Variants in EYA4 observed in about 807,000 individuals in gnomAD.
EYA4 encodes protein phosphatase EYA4.
Under a neutral mutation model 87.9 loss-of-function variants are expected in EYA4, and 31 were observed. The ratio of observed to expected loss-of-function variants is 0.35; its 90% CI spans 0.27 to 0.48. The LOEUF (loss-of-function observed/expected upper bound fraction) is 0.48. Among genes scored for constraint, EYA4 ranks in the 20% least tolerant of loss-of-function variants. The probability of loss-of-function intolerance (pLI) is 0.99; values close to 1 mark genes in which losing one functional copy is unlikely to be tolerated. For missense variants in EYA4, 678 were observed against 761.4 expected (o/e 0.89, Z 1.29); for synonymous variants, 263 against 270.6 (o/e 0.97, Z 0.28).
intron 3 of EYA4, among the ~76,000 whole-genome samples, chr6:133,397,559 A>T (rs1022035126): frequency 6.6e-6 from 1 of 152,212 alleles, no homozygotes; most frequent in Admixed American, 6.5e-5. Flanking sequence ...CATATTGATA[A>T]CTGCTTCTTG....
chr6:133,367,985 T>C (rs537773431), intron 2 of EYA4, among the ~76,000 whole-genome samples: 10 of 152,242 alleles, frequency 6.6e-5, no homozygotes, highest in African/African-American at 2.4e-4. Flanking sequence ...GGTCACATAA[T>C]TAATTGGTGG....
chr6:133,446,886 A>G (rs1448535451), intron 4 of EYA4, 132 bp downstream of exon 4: 1 of 904,452 alleles, frequency 1.1e-6, no homozygotes, highest in African/African-American at 1.7e-5. Context: ...CAAGGTATAT[A>G]TAATTAATAT....
intron 2 of EYA4, among the ~76,000 whole-genome samples, chr6:133,287,037 C>G (rs1778120832): frequency 6.6e-6 from 1 of 151,496 alleles, no homozygotes; most frequent in East Asian, 2.0e-4. Context: ...AATGTCTTCT[C>G]TGTGTGTGTC....
At chr6:133,416,641 T>C (rs1409735251) in intron 3 of EYA4, among the ~76,000 whole-genome samples, 1 of 152,214 alleles carries the variant, frequency 6.6e-6, no homozygotes, top group Non-Finnish European at 1.5e-5. Flanking sequence ...TACATTGATA[T>C]CATAGAAGAG....
chr6:133,272,130 C>G (rs1463022650), intron 1 of EYA4, among the ~76,000 whole-genome samples: 1 of 152,168 alleles, frequency 6.6e-6, no homozygotes, highest in Non-Finnish European at 1.5e-5. Context: ...GGGAAGATTT[C>G]CCTTCAGCGC....
intron 2 of EYA4, among the ~76,000 whole-genome samples, chr6:133,339,638 A>G (rs1434289853): frequency 1.3e-5 from 2 of 152,210 alleles, no homozygotes; most frequent in African/African-American, 4.8e-5. Flanking sequence ...CTAATGAAAC[A>G]CGACAGCCAG....
chr6:133,379,475 A>T (rs1440101381), intron 2 of EYA4, among the ~76,000 whole-genome samples: 2 of 152,148 alleles, frequency 1.3e-5, no homozygotes, highest in Admixed American at 6.6e-5. Context: ...GAAATAAGAT[A>T]GGGTTTTGAA....
chr6:133,347,205 C>T (rs1783264124), intron 2 of EYA4, among the ~76,000 whole-genome samples: 1 of 152,164 alleles, frequency 6.6e-6, no homozygotes, highest in Non-Finnish European at 1.5e-5. Flanking sequence ...TCTAAATTCA[C>T]ATGGACTTCT....
In EYA4 at chr6:133,506,517, T is replaced by C. The variant is rs1281631419; in HGVS notation, c.1281+322T>C. Among the ~76,000 whole-genome samples, 4 of 152,338 alleles carry C rather than the reference T, an allele frequency of 2.6e-5. No individual in the cohort carries two copies. The East Asian group carries it at 7.7e-4, about 29-fold the overall frequency. Reference sequence around the variant, plus strand: ...TCTTCCAGATTATTAACCCGGAACCTATCTAGGTTAATCACTAAACGATAT... The same window carrying C: ...TCTTCCAGATTATTAACCCGGAACCCATCTAGGTTAATCACTAAACGATAT... On this transcript the variant is annotated intron_variant, in intron 14 of 19. Transcript: ENST00000355286.
intron 1 of EYA4, among the ~76,000 whole-genome samples, chr6:133,258,221 A>G (rs1562214785): frequency 2.0e-5 from 3 of 152,016 alleles, no homozygotes; most frequent in Non-Finnish European, 4.4e-5. Flanking sequence ...ACGAGGAAAA[A>G]CCATAGCACT....
intron 19 of EYA4, among the ~76,000 whole-genome samples, chr6:133,526,415 A>G (rs1027763526): frequency 6.6e-6 from 1 of 150,890 alleles, no homozygotes; most frequent in Non-Finnish European, 1.5e-5. Context: ...AGACAGTTTT[A>G]TAGAAAAGTT....
At chr6:133,492,557 G>C (rs759437254) in intron 13 of EYA4, among the ~76,000 whole-genome samples, 4 of 152,166 alleles carry the variant, frequency 2.6e-5, no homozygotes, top group Non-Finnish European at 5.9e-5. Flanking sequence ...GAACAAAGAT[G>C]CCCACTGTCA....
intron 2 of EYA4, among the ~76,000 whole-genome samples, chr6:133,355,264 C>T (rs1783927603): frequency 6.6e-6 from 1 of 152,080 alleles, no homozygotes; most frequent in African/African-American, 2.4e-5. Context: ...TTCCAAGAGG[C>T]CCCAGTGCCT....
chr6:133,461,227 C>A, intron 7 of EYA4, 47 bp downstream of exon 7: 2 of 1,251,378 alleles, frequency 1.6e-6, no homozygotes, highest in Non-Finnish European at 2.4e-6. Context: ...ACATTTATGT[C>A]TATACATGTT....
At chr6:133,402,870 G>C (rs898697396) in intron 3 of EYA4, among the ~76,000 whole-genome samples, 22 of 152,268 alleles carry the variant, frequency 1.4e-4, no homozygotes, top group African/African-American at 5.3e-4. Context: ...AAGAATTAGG[G>C]AAGCACATGG....
chr6:133,493,051 A>G (rs1262472301), intron 13 of EYA4, among the ~76,000 whole-genome samples: 2 of 152,180 alleles, frequency 1.3e-5, no homozygotes, highest in Non-Finnish European at 2.9e-5. Flanking sequence ...AATTCAATGC[A>G]ATCACTATCA....
chr6:133,256,439 T>C (rs1775342979), intron 1 of EYA4, among the ~76,000 whole-genome samples: 1 of 152,032 alleles, frequency 6.6e-6, no homozygotes, highest in Non-Finnish European at 1.5e-5. Context: ...AATGATATAT[T>C]GTTATTCTAG....
At chr6:133,506,276 G>C (rs1798613197) in intron 14 of EYA4, 81 bp downstream of exon 14, 1 of 773,972 alleles carries the variant, frequency 1.3e-6, no homozygotes, top group Non-Finnish European at 2.2e-6. Context: ...ATAACCTCGA[G>C]AAAACAGAAA....
At chr6:133,354,120 T>C (rs1783841390) in intron 2 of EYA4, among the ~76,000 whole-genome samples, 2 of 152,122 alleles carry the variant, frequency 1.3e-5, no homozygotes, top group African/African-American at 4.8e-5. Context: ...GCTATAGTAT[T>C]TTTAGAAAAT....
Sources: allele counts gnomAD v4.1 joint callset (sites outside exome capture counted in the v4.1 genomes callset), GRCh38; gene constraint gnomAD v4.1.1; transcripts MANE v1.5; gene names NCBI Gene and HGNC (gene_info 2026-07-23, HGNC 2026-07-21).